The following PTPN14 variants were observed in gnomAD, a reference collection of about 807,000 sequenced individuals.
PTPN14 encodes tyrosine-protein phosphatase non-receptor type 14.
PTPN14 carries 53 observed loss-of-function variants against 126.8 expected under a neutral mutation model. The ratio of observed to expected loss-of-function variants is 0.42; its 90% CI spans 0.34 to 0.53. The LOEUF is 0.53. Among genes scored for constraint, PTPN14 ranks in the 20% least tolerant of loss-of-function variants. PTPN14 has a pLI of 0.08. For missense variants in PTPN14, 1,257 were observed against 1,552.9 expected (o/e 0.81, Z 3.20); for synonymous variants, 630 against 599.3 (o/e 1.05, Z -0.75).
chr1:214,428,219 A>C (rs1225084598), intron 3 of PTPN14, among the ~76,000 whole-genome samples: 4 of 152,250 alleles, frequency 2.6e-5, no homozygotes, highest in African/African-American at 9.6e-5. Context: ...AGTAGTCAGA[A>C]TCCAGACATA....
At chr1:214,516,746 T>TAA (rs56825299) in intron 1 of PTPN14, among the ~76,000 whole-genome samples, 2 of 151,274 alleles carry the variant, frequency 1.3e-5, no homozygotes, top group African/African-American at 4.9e-5. Flanking sequence ...ATTTTGATAT[T>TAA]AAAAAAAAAC....
intron 5 of PTPN14, among the ~76,000 whole-genome samples, chr1:214,404,818 A>G (rs1571978674): frequency 6.6e-6 from 1 of 152,326 alleles, no homozygotes; most frequent in South Asian, 2.1e-4. Context: ...AACAAATTCA[A>G]TTACTTCATA....
At chr1:214,520,771 C>A (rs1180613606) in intron 1 of PTPN14, among the ~76,000 whole-genome samples, 1 of 152,072 alleles carries the variant, frequency 6.6e-6, no homozygotes, top group Non-Finnish European at 1.5e-5. Context: ...TGTTTAAGTG[C>A]CTTGTAAATA....
chr1:214,378,499 G>A (rs964839533), intron 13 of PTPN14, among the ~76,000 whole-genome samples: 11 of 152,266 alleles, frequency 7.2e-5, no homozygotes, highest in African/African-American at 1.2e-4. Context: ...TCACAGTGAC[G>A]GACCTTCTGC....
intron 17 of PTPN14, among the ~76,000 whole-genome samples, chr1:214,366,980 T>C (rs1195571590): frequency 1.9e-5 from 1 of 53,972 alleles, no homozygotes; most frequent in African/African-American, 1.3e-4. Flanking sequence ...TGAGACTCCA[T>C]CTCAAAAAAA....
intron 8 of PTPN14, among the ~76,000 whole-genome samples, chr1:214,396,550 G>A (rs1186676892): frequency 6.6e-6 from 1 of 152,074 alleles, no homozygotes; most frequent in Non-Finnish European, 1.5e-5. Context: ...AGATATACTC[G>A]GAGCCCCGCC....
At chr1:214,456,519 G>A (rs1229699219) in intron 2 of PTPN14, among the ~76,000 whole-genome samples, 4 of 152,144 alleles carry the variant, frequency 2.6e-5, no homozygotes, top group Non-Finnish European at 5.9e-5. Flanking sequence ...GTAGGTCTGA[G>A]ATTTCTATAA....
At chr1:214,489,610 T>C (rs1302303715) in intron 1 of PTPN14, among the ~76,000 whole-genome samples, 1 of 152,172 alleles carries the variant, frequency 6.6e-6, no homozygotes, top group African/African-American at 2.4e-5. Flanking sequence ...GCCCTGGACA[T>C]AGACTCCCTC....
intron 10 of PTPN14, among the ~76,000 whole-genome samples, chr1:214,393,156 C>A (rs902902172): frequency 6.6e-6 from 1 of 152,208 alleles, no homozygotes. Flanking sequence ...TAAAAAAATA[C>A]ACACGGATTT....
rs571750329 is a variant in PTPN14 at position 214,464,855 on chromosome 1, A to G, written c.-52T>C. On this transcript the variant is annotated 5_prime_UTR_variant, in exon 2 of 19. Transcript: ENST00000366956. ...GCCTATCCTGGCGCACACGCCCCTG[A>G]GATGGCCTTAGCAGTTTCGTGACTG... 170 of 1,599,030 alleles carry G rather than the reference A, an allele frequency of 1.1e-4. 1 individual carries two copies. In the South Asian group the frequency reaches 1.6e-3, roughly 15 times the overall value.
chr1:214,474,528 C>T (rs983147144), intron 1 of PTPN14, among the ~76,000 whole-genome samples: 1 of 152,166 alleles, frequency 6.6e-6, no homozygotes, highest in Non-Finnish European at 1.5e-5. Flanking sequence ...CCACAGCATA[C>T]AAATCGGTGT....
chr1:214,384,727 T>G lies in PTPN14; in HGVS notation c.1128A>C (p.Leu376Phe). The change falls in exon 13 of 19, where the codon TTA (leucine) becomes TTC (phenylalanine). Residue 376 changes from leucine to phenylalanine, a missense_variant. By Grantham distance (22) the Leu-to-Phe change is conservative. Transcript: ENST00000366956. The surrounding 1 kb of genome is among the most constrained non-coding windows in gnomAD (Gnocchi z 5.3). ...LYCNSHNSLD[L>F]NYLNGTVTNG... ...TGGTGACAGTGCCATTTAAATAATT[T>G]AAGTCCAGGCTGTTGTGAGAGTTGC... 1.2e-6 allele frequency: 2 copies of G among 1,614,110 alleles called. No individual in the cohort carries two copies. Among genetic ancestry groups the G allele is most frequent in the Non-Finnish European group, 8.5e-7 (1 of 1,180,012 alleles).
intron 1 of PTPN14, among the ~76,000 whole-genome samples, chr1:214,509,322 C>A (rs926427339): frequency 1.3e-5 from 2 of 152,246 alleles, no homozygotes; most frequent in Non-Finnish European, 2.9e-5. Context: ...TAAACTTGCA[C>A]TTTCATGTTA....
chr1:214,406,899 T>G (rs1223500312), intron 5 of PTPN14, among the ~76,000 whole-genome samples: 3 of 152,188 alleles, frequency 2.0e-5, no homozygotes, highest in Non-Finnish European at 4.4e-5. Flanking sequence ...AATAAAGGCC[T>G]TTAATGAGAG....
At chr1:214,382,243 G>T (rs902683983) in intron 13 of PTPN14, among the ~76,000 whole-genome samples, 3 of 152,150 alleles carry the variant, frequency 2.0e-5, no homozygotes, top group Non-Finnish European at 4.4e-5. Flanking sequence ...TTTCTCATTA[G>T]TAAGAGCAGA....
chr1:214,399,608 C>T (rs548994132), intron 7 of PTPN14, among the ~76,000 whole-genome samples: 1 of 152,354 alleles, frequency 6.6e-6, no homozygotes, highest in South Asian at 2.1e-4. Context: ...TCTTAAAGCT[C>T]TCGATGTGTC....
rs550203274 is a variant in PTPN14, at chr1:214,433,384, T to C, written c.344+18421A>G. ...AATGACATGAGGAAGTGGGGGGCTCTGGTGACAGATTTGCAATTTGTGACA... is the reference window on the plus strand; with the variant it reads ...AATGACATGAGGAAGTGGGGGGCTCCGGTGACAGATTTGCAATTTGTGACA... On this transcript the variant is annotated intron_variant, in intron 3 of 18. Transcript: ENST00000366956. Among the ~76,000 whole-genome samples, 9 of 152,150 alleles carry C rather than the reference T, an allele frequency of 5.9e-5. No individual in the cohort carries two copies. The South Asian group carries it at 1.9e-3, about 32-fold the overall frequency.
At chr1:214,441,497 T>C (rs1278363113) in intron 3 of PTPN14, among the ~76,000 whole-genome samples, 3 of 152,362 alleles carry the variant, frequency 2.0e-5, no homozygotes, top group Non-Finnish European at 2.9e-5. Flanking sequence ...TCCAACTGAA[T>C]GTCCCAATGC....
chr1:214,521,537 A>C (rs2102457455), intron 1 of PTPN14, among the ~76,000 whole-genome samples: 1 of 152,208 alleles, frequency 6.6e-6, no homozygotes, highest in Admixed American at 6.5e-5. Flanking sequence ...ACATGGTGAA[A>C]CCCCATTTCT....
Sources: allele counts gnomAD v4.1 joint callset (sites outside exome capture counted in the v4.1 genomes callset), GRCh38; gene constraint gnomAD v4.1.1; non-coding constraint Gnocchi (gnomAD v3.1); transcripts MANE v1.5; gene names NCBI Gene and HGNC (gene_info 2026-07-23, HGNC 2026-07-21).